PALM2AKAP2: variants seen among roughly 807,000 people sequenced by gnomAD.
PALM2AKAP2 encodes the protein PALM2 and AKAP2 fusion.
Under a neutral mutation model 71.5 loss-of-function variants are expected in PALM2AKAP2, and 37 were observed. The ratio of observed to expected loss-of-function variants is 0.52; its 90% CI spans 0.40 to 0.68. The LOEUF (loss-of-function observed/expected upper bound fraction) is 0.68, where lower values mean the gene tolerates loss of function less well. Ranked by LOEUF, PALM2AKAP2 falls within the 30% of genes least tolerant of loss-of-function variation. The probability of loss-of-function intolerance (pLI) is 0.00; values close to 1 mark genes in which losing one functional copy is unlikely to be tolerated. For missense variants in PALM2AKAP2, 1,224 were observed against 1,191.8 expected, an observed-to-expected ratio of 1.03 and a Z score of -0.40; for synonymous variants, 468 against 478.8, an observed-to-expected ratio of 0.98 and a Z score of 0.29.
chr9:109,998,889 G>A (rs1038270934), intron 6 of PALM2AKAP2, among the ~76,000 whole-genome samples: 3 of 152,258 alleles, frequency 2.0e-5, no homozygotes, highest in South Asian at 4.1e-4. Context: ...TGTAGAGGAG[G>A]CTTCTGCCCT....
Position 110,144,080 on chromosome 9 carries a change from C to T in PALM2AKAP2, c.2569+5541C>T, listed in dbSNP as rs1325931386. On this transcript the variant is annotated intron_variant, in intron 2 of 3. Coordinates refer to ENST00000374525, the Ensembl canonical transcript of PALM2AKAP2. ...AAAAATATGTTTGCGACTGTCCACA[C>T]ATTCTTCATGAAGCAGAGCTTGGTG... Among the ~76,000 whole-genome samples, 3 of 152,366 alleles carry T rather than the reference C, an allele frequency of 2.0e-5. No homozygotes were observed. The East Asian group carries it at 5.8e-4, about 29-fold the overall frequency.
chr9:109,714,718 A>G (rs1463241185), intron 1 of PALM2AKAP2, among the ~76,000 whole-genome samples: 1 of 152,156 alleles, frequency 6.6e-6, no homozygotes, highest in East Asian at 1.9e-4. Flanking sequence ...TGAGGTTCTC[A>G]TTCCCTCACC....
intron 1 of PALM2AKAP2, among the ~76,000 whole-genome samples, chr9:110,080,476 G>C (rs188876482): frequency 1.3e-5 from 2 of 152,280 alleles, no homozygotes; most frequent in African/African-American, 4.8e-5. Context: ...AAACCATAGA[G>C]GTGTGATGTC....
chr9:110,128,793 G>A (rs1304011975), intron 1 of PALM2AKAP2, among the ~76,000 whole-genome samples: 1 of 152,216 alleles, frequency 6.6e-6, no homozygotes, highest in African/African-American at 2.4e-5. Flanking sequence ...TCTGCTCTCC[G>A]CCTGGGCTCA....
chr9:109,899,857 C>G (rs1418089565), intron 3 of PALM2AKAP2, among the ~76,000 whole-genome samples: 1 of 152,186 alleles, frequency 6.6e-6, no homozygotes, highest in South Asian at 2.1e-4. Flanking sequence ...GAGCCCTAAA[C>G]CCTGGTTTAA....
intron 6 of PALM2AKAP2, chr9:109,943,077 C>T (rs1351696991): frequency 5.0e-6 from 8 of 1,614,116 alleles, no homozygotes; most frequent in Non-Finnish European, 5.9e-6. Context: ...AGGCCCAAGC[C>T]CCCAGCGCTG....
intron 6 of PALM2AKAP2, among the ~76,000 whole-genome samples, chr9:109,984,439 C>T (rs1174729959): frequency 6.6e-6 from 1 of 151,918 alleles, no homozygotes; most frequent in Non-Finnish European, 1.5e-5. Context: ...GGGAGGATCA[C>T]TTGAGGCTGG....
At chr9:109,905,950 C>A (rs1830436640) in intron 3 of PALM2AKAP2, among the ~76,000 whole-genome samples, 1 of 152,130 alleles carries the variant, frequency 6.6e-6, no homozygotes. Context: ...CATAGCGAAA[C>A]CCTGTCTCTA....
chr9:110,017,137 C>T (rs183469005), intron 7 of PALM2AKAP2, among the ~76,000 whole-genome samples: 125 of 152,286 alleles, frequency 8.2e-4, no homozygotes, highest in African/African-American at 2.8e-3. Flanking sequence ...CCTTGGCCTC[C>T]CAAAGTGCTG....
chr9:109,780,528 A>G (rs1271692050), exon 1 of PALM2AKAP2: 2 of 1,613,574 alleles, frequency 1.2e-6, no homozygotes, highest in Non-Finnish European at 1.7e-6. Context: ...GCTGCAAGCC[A>G]TAGCAGTAAG....
exon 2 of PALM2AKAP2, chr9:110,137,088 TACA>T: frequency 6.2e-7 from 1 of 1,613,176 alleles, no homozygotes; most frequent in East Asian, 2.2e-5. Context: ...CAGAAGCAGT[TACA>T]GCAGCAGCAG....
intron 1 of PALM2AKAP2, among the ~76,000 whole-genome samples, chr9:109,693,604 C>T (rs1407003344): frequency 6.6e-6 from 1 of 151,950 alleles, no homozygotes; most frequent in East Asian, 1.9e-4. Context: ...TCTCTCTAGT[C>T]GTTAGTTTAG....
chr9:110,111,757 G>GA (rs950012414), intron 1 of PALM2AKAP2, among the ~76,000 whole-genome samples: 11 of 151,500 alleles, frequency 7.3e-5, no homozygotes, highest in African/African-American at 2.2e-4. Flanking sequence ...AAAACTAAAG[G>GA]AAAAAAAATG....
chr9:109,977,924 G>A (rs1468779506), intron 6 of PALM2AKAP2, among the ~76,000 whole-genome samples: 1 of 152,122 alleles, frequency 6.6e-6, no homozygotes, highest in Non-Finnish European at 1.5e-5. Context: ...AGCTTAGATA[G>A]TTGTCCATCC....
chr9:109,725,797 TA>T (rs1472457346), intron 1 of PALM2AKAP2, among the ~76,000 whole-genome samples: 1 of 152,202 alleles, frequency 6.6e-6, no homozygotes, highest in Non-Finnish European at 1.5e-5. Flanking sequence ...AAAAAAGTCT[TA>T]AAAAGTAATA....
At chr9:109,905,151 G>A (rs1280150344) in intron 3 of PALM2AKAP2, among the ~76,000 whole-genome samples, 2 of 152,132 alleles carry the variant, frequency 1.3e-5, no homozygotes, top group Non-Finnish European at 2.9e-5. Context: ...AAGTCTATAG[G>A]GATAAAGTTC....
At chr9:110,002,597 G>A (rs1431306346) in intron 6 of PALM2AKAP2, among the ~76,000 whole-genome samples, 1 of 152,160 alleles carries the variant, frequency 6.6e-6, no homozygotes, top group Non-Finnish European at 1.5e-5. Context: ...AATAGTTTCA[G>A]AAGGAATGGT....
At chr9:109,864,442 C>T (rs1829392919) in intron 1 of PALM2AKAP2, among the ~76,000 whole-genome samples, 3 of 152,150 alleles carry the variant, frequency 2.0e-5, no homozygotes, top group African/African-American at 7.2e-5. Flanking sequence ...TCCATTTGTC[C>T]TTCTCTTTCC....
intron 4 of PALM2AKAP2, 149 bp downstream of exon 4, chr9:109,923,998 C>G (rs954560619): frequency 3.7e-6 from 3 of 817,962 alleles, no homozygotes; most frequent in Non-Finnish European, 5.5e-6. Context: ...GTGTGAGGAC[C>G]AGGGGCCATC....
Sources: allele counts gnomAD v4.1 joint callset (sites outside exome capture counted in the v4.1 genomes callset), GRCh38; gene constraint gnomAD v4.1.1; transcripts MANE v1.5; gene names NCBI Gene and HGNC (gene_info 2026-07-23, HGNC 2026-07-21).